The following ULK4 variants were observed in gnomAD, a reference collection of about 807,000 sequenced individuals.
The protein encoded by ULK4 is unc-51 like kinase 4.
ULK4 carries 133 observed loss-of-function variants against 160.6 expected under a neutral mutation model. The observed-to-expected ratio is 0.83, with a 90% confidence interval of 0.72 to 0.96. ULK4 has a LOEUF of 0.96. ULK4 is among the 40% of genes least tolerant of loss of function. The pLI is 0.00. For missense variants in ULK4, 1,580 were observed against 1,499.5 expected, an observed-to-expected ratio of 1.05 and a Z score of -0.89; for synonymous variants, 534 against 539.8, an observed-to-expected ratio of 0.99 and a Z score of 0.15.
intron 29 of ULK4, among the ~76,000 whole-genome samples, chr3:41,678,725 T>G (rs1245967979): frequency 6.6e-6 from 1 of 152,256 alleles, no homozygotes; most frequent in African/African-American, 2.4e-5. Context: ...CTACCATACC[T>G]GTGCATGAAA....
chr3:41,845,011 G>C (rs1008400412), intron 17 of ULK4, among the ~76,000 whole-genome samples: 3 of 151,144 alleles, frequency 2.0e-5, no homozygotes, highest in African/African-American at 4.9e-5. Context: ...TGTTGCCCAG[G>C]CTGGAGTGCA....
chr3:41,572,994 C>T (rs967015913), intron 31 of ULK4, among the ~76,000 whole-genome samples: 1 of 152,108 alleles, frequency 6.6e-6, no homozygotes, highest in Non-Finnish European at 1.5e-5. Flanking sequence ...TCCCACTACA[C>T]TTTAAGATTA....
intron 1 of ULK4, among the ~76,000 whole-genome samples, chr3:41,956,341 G>T (rs1473434982): frequency 6.6e-6 from 1 of 152,150 alleles, no homozygotes; most frequent in Non-Finnish European, 1.5e-5. Flanking sequence ...ATTTGGACCG[G>T]GTATCTGTAT....
At chr3:41,597,631 G>A (rs2031783991) in intron 31 of ULK4, among the ~76,000 whole-genome samples, 1 of 152,070 alleles carries the variant, frequency 6.6e-6, no homozygotes, top group Admixed American at 6.6e-5. Context: ...AGTACTGACT[G>A]GCCACATAAG....
rs546305792 is a variant in ULK4, at chr3:41,624,860, G to A, written c.3072-9143C>T. 3.9e-5 allele frequency among the ~76,000 whole-genome samples: 6 copies of A among 152,052 alleles called. No homozygotes were observed. The South Asian group carries it at 8.3e-4, about 21-fold the overall frequency. On this transcript the variant is annotated intron_variant, in intron 30 of 36. Coordinates refer to ENST00000301831, the MANE Select transcript of ULK4 (RefSeq NM_017886.4). ...AGTGATGGTCATTTAGGTTGTTTCC[G>A]TATCTTGTCTATTATGGATAATGCT...
At chr3:41,641,908 T>G (rs1291210635) in intron 30 of ULK4, among the ~76,000 whole-genome samples, 6 of 148,884 alleles carry the variant, frequency 4.0e-5, no homozygotes, top group Non-Finnish European at 7.4e-5. Context: ...GGAGTTTCAC[T>G]CTTGCTGCCC....
intron 17 of ULK4, among the ~76,000 whole-genome samples, chr3:41,865,661 A>G (rs2042599342): frequency 6.6e-6 from 1 of 152,198 alleles, no homozygotes; most frequent in South Asian, 2.1e-4. Flanking sequence ...ATTTGCCTCC[A>G]GGGCCTACCC....
chr3:41,362,767 AC>A (rs1263774787), intron 35 of ULK4, among the ~76,000 whole-genome samples: 11 of 152,344 alleles, frequency 7.2e-5, no homozygotes, highest in Admixed American at 7.2e-4. Flanking sequence ...TTTGAAGAAA[AC>A]TGTTTCCCAG....
intron 27 of ULK4, among the ~76,000 whole-genome samples, chr3:41,702,598 G>A (rs73828231): frequency 6.6e-6 from 1 of 151,862 alleles, no homozygotes. Flanking sequence ...TGGGACAAAG[G>A]AGGGTAAGGC....
At chr3:41,384,288 A>G (rs1029119944) in intron 35 of ULK4, among the ~76,000 whole-genome samples, 2 of 152,186 alleles carry the variant, frequency 1.3e-5, no homozygotes, top group Non-Finnish European at 2.9e-5. Flanking sequence ...CAAGTGACTC[A>G]GGCTTTTCAA....
intron 31 of ULK4, among the ~76,000 whole-genome samples, chr3:41,566,812 A>T (rs1233976025): frequency 1.3e-5 from 2 of 152,224 alleles, no homozygotes; most frequent in African/African-American, 4.8e-5. Context: ...AATATTTTTT[A>T]AAATTAAGCA....
chr3:41,322,009 T>C lies in ULK4; in HGVS notation c.3679-72435A>G, dbSNP rs1299088098. 4.9e-5 allele frequency among the ~76,000 whole-genome samples: 7 copies of C among 143,580 alleles called. 2 individuals are homozygous for C. The highest frequency in any genetic ancestry group is 1.1e-4 in the African/African-American group (4 of 36,174). The allele number at this position is 143,580 out of a possible 152,430, so 94.2% of individuals were successfully genotyped here. A position where few individuals can be genotyped will look rare whatever the true frequency, so the allele number is the denominator to read the frequency against. On this transcript the variant is annotated intron_variant, in intron 35 of 36. Transcript: ENST00000301831. ...AGTGTACTTTACTTCTTTTCATTCC[T>C]GCTCTAAAGCTTTTATTTTATTTTA...
At chr3:41,771,585 C>A (rs2039377047) in intron 21 of ULK4, among the ~76,000 whole-genome samples, 1 of 151,906 alleles carries the variant, frequency 6.6e-6, no homozygotes, top group Non-Finnish European at 1.5e-5. Context: ...TGAGATGTTA[C>A]AATGCTTTTC....
At chr3:41,584,918 GAATAA>G (rs916861196) in intron 31 of ULK4, among the ~76,000 whole-genome samples, 11 of 151,898 alleles carry the variant, frequency 7.2e-5, no homozygotes, top group African/African-American at 2.7e-4. Context: ...GCATCAAAAA[GAATAA>G]AATATTTAGA....
intron 35 of ULK4, among the ~76,000 whole-genome samples, chr3:41,252,893 AG>A: frequency 6.6e-6 from 1 of 152,102 alleles, no homozygotes; most frequent in East Asian, 1.9e-4. Context: ...GGATGTTGAA[AG>A]TGGGCAGAAA....
chr3:41,372,854 TAAAG>T (rs756968864), intron 35 of ULK4, among the ~76,000 whole-genome samples: 11 of 152,138 alleles, frequency 7.2e-5, no homozygotes, highest in Non-Finnish European at 1.5e-4. Context: ...GCAAATTGGA[TAAAG>T]AGTCAAGATC....
chr3:41,660,484 A>G (rs543973937), intron 30 of ULK4, among the ~76,000 whole-genome samples: 2 of 152,332 alleles, frequency 1.3e-5, no homozygotes, highest in Non-Finnish European at 2.9e-5. Flanking sequence ...CTAAAAATCA[A>G]TTACTCATTC....
intron 30 of ULK4, among the ~76,000 whole-genome samples, chr3:41,626,686 G>A (rs141381465): frequency 0.013 from 1,974 of 152,034 alleles, 31 homozygotes; most frequent in African/African-American, 0.045. Flanking sequence ...CACCATGTCC[G>A]GCTAATTTTT....
chr3:41,332,595 T>G (rs2080469197), intron 35 of ULK4, among the ~76,000 whole-genome samples: 1 of 152,248 alleles, frequency 6.6e-6, no homozygotes, highest in African/African-American at 2.4e-5. Flanking sequence ...AGTACTTATC[T>G]TTGAAATCTT....
Sources: gnomAD v4.1 joint callset for allele counts (sites outside exome capture counted in the v4.1 genomes callset) on GRCh38, gnomAD v4.1.1 for gene constraint, MANE v1.5 for transcripts, NCBI Gene and HGNC (gene_info 2026-07-23, HGNC 2026-07-21) for gene names.